ATP10D: variants seen among roughly 807,000 people sequenced by gnomAD.
ATP10D encodes phospholipid-transporting ATPase VD.
Under a neutral mutation model 144.8 loss-of-function variants are expected in ATP10D, and 89 were observed. The ratio of observed to expected loss-of-function variants is 0.61; its 90% CI spans 0.52 to 0.73. The LOEUF is 0.73. Ranked by LOEUF, ATP10D falls within the 30% of genes least tolerant of loss-of-function variation. The probability of loss-of-function intolerance (pLI) is 0.00; values close to 1 mark genes in which losing one functional copy is unlikely to be tolerated. For missense variants in ATP10D, 1,603 were observed against 1,714.8 expected, an observed-to-expected ratio of 0.93 and a Z score of 1.15; for synonymous variants, 571 against 615.1, an observed-to-expected ratio of 0.93 and a Z score of 1.06.
intron 16 of ATP10D, 52 bp downstream of exon 16, chr4:47,569,198 G>A (rs756367891): frequency 3.6e-5 from 56 of 1,558,502 alleles, no homozygotes; most frequent in Non-Finnish European, 4.5e-5. Context: ...CACCACACCA[G>A]ACACCGATCC....
intron 4 of ATP10D, 28 bp downstream of exon 4, chr4:47,523,244 T>G (rs1158313084): frequency 6.3e-7 from 1 of 1,576,718 alleles, no homozygotes; most frequent in Non-Finnish European, 8.7e-7. Flanking sequence ...AGTTAGTGGC[T>G]TATTAACATT....
At chr4:47,528,509 G>GTATATA (rs1382630093) in intron 5 of ATP10D, among the ~76,000 whole-genome samples, 1 of 57,688 alleles carries the variant, frequency 1.7e-5, no homozygotes, top group Non-Finnish European at 3.5e-5. Flanking sequence ...GTGTGTGTGT[G>GTATATA]TGTGTATATA....
intron 21 of ATP10D, among the ~76,000 whole-genome samples, chr4:47,586,560 A>T (rs1468703157): frequency 1.3e-5 from 2 of 152,200 alleles, no homozygotes; most frequent in African/African-American, 4.8e-5. Flanking sequence ...GGGAGTGTGG[A>T]AATGTGATCC....
rs369758520 is a variant in ATP10D, at chr4:47,499,816, C to T, written c.-37-12688C>T. Among the ~76,000 whole-genome samples, 117 of 152,130 alleles carry T rather than the reference C, an allele frequency of 7.7e-4. 3 individuals are homozygous for T. The South Asian group carries it at 0.02, about 25-fold the overall frequency. On this transcript the variant is annotated intron_variant, in intron 1 of 22. Transcript: ENST00000273859. ...AACTTCCTCTTGGAGAGTTTTAGAA[C>T]GATAAAATTTAAATACTTCAGCTGT...
intron 9 of ATP10D, among the ~76,000 whole-genome samples, chr4:47,542,294 G>A (rs1037955842): frequency 6.6e-6 from 1 of 151,812 alleles, no homozygotes; most frequent in Non-Finnish European, 1.5e-5. Context: ...GCAGGATTTC[G>A]CCATGTTTCC....
At chr4:47,519,494 C>G (rs1188253534) in intron 3 of ATP10D, among the ~76,000 whole-genome samples, 1 of 152,216 alleles carries the variant, frequency 6.6e-6, no homozygotes, top group African/African-American at 2.4e-5. Context: ...AGTCCTCTTA[C>G]TAGTTTTAAT....
At position 47,557,987 on chromosome 4, in the gene ATP10D, A is replaced by G; in HGVS notation, c.2148A>G (p.Pro716=). ...AGGCAGAGTCCCTCCCTGGACAGCC[A>G]TTGGCCTGCAACCTGTGTTATGAGG... ...NGKAESLPGQ[P]LACNLCYEAE... Residue 716 remains proline (P), a synonymous_variant, in exon 12 of 23, where the codon CCA becomes CCG. Transcript: ENST00000273859. 1.9e-6 allele frequency: 3 copies of G among 1,614,076 alleles called. No homozygotes were observed. Among genetic ancestry groups the G allele is most frequent in the African/African-American group, 1.3e-5 (1 of 75,056 alleles).
At chr4:47,495,740 T>G (rs1472294533) in intron 1 of ATP10D, among the ~76,000 whole-genome samples, 1 of 150,346 alleles carries the variant, frequency 6.7e-6, no homozygotes, top group East Asian at 1.9e-4. Context: ...TAAGCAACTT[T>G]TTTTTTTTTT....
chr4:47,493,761 C>T (rs1280354562), intron 1 of ATP10D, among the ~76,000 whole-genome samples: 4 of 152,120 alleles, frequency 2.6e-5, no homozygotes, highest in Admixed American at 1.3e-4. Context: ...TGCAGAGCTA[C>T]TGAATCAGAG....
intron 16 of ATP10D, 28 bp downstream of exon 16, chr4:47,569,174 T>C (rs1424077175): frequency 6.3e-7 from 1 of 1,598,332 alleles, no homozygotes; most frequent in Non-Finnish European, 8.5e-7. Flanking sequence ...TGAGTCCTGC[T>C]CTTCTCCCTT....
chr4:47,582,166 TA>T, intron 21 of ATP10D, 102 bp downstream of exon 21: 1 of 941,506 alleles, frequency 1.1e-6, no homozygotes, highest in Non-Finnish European at 1.7e-6. Flanking sequence ...ATGAGAAGAG[TA>T]ATGAATCTAT....
chr4:47,527,118 T>C (rs920575454), intron 5 of ATP10D, among the ~76,000 whole-genome samples: 5 of 152,102 alleles, frequency 3.3e-5, no homozygotes, highest in Admixed American at 1.3e-4. Flanking sequence ...AGGAGATCAA[T>C]GGAAGAGATT....
Position 47,557,680 on chromosome 4 carries a change from TG to T in ATP10D, c.1848del (p.Leu617CysfsTer41), listed in dbSNP as rs764067652. Reference protein sequence around the residue: ...QPRQKIRHPSLGGLPIKSLEE... With the variant: ...QPRQKIRHPSXGGLPIKSLEE... ...CTTTCATAGATCAGACACCCTTCAC[TG>T]GGGGGGTTGCCCATTAAGTCTTTGG... On this transcript the variant is annotated frameshift_variant, in exon 12 of 23. Transcript: ENST00000273859. LOFTEE classifies it high-confidence loss of function. 12 of 1,609,562 alleles carry T rather than the reference TG, an allele frequency of 7.5e-6. No homozygotes were observed. Among genetic ancestry groups the T allele is most frequent in the South Asian group, 1.1e-5 (1 of 90,950 alleles).
intron 1 of ATP10D, 104 bp downstream of exon 1, chr4:47,485,623 T>TC (rs1452053583): frequency 1.3e-5 from 2 of 151,614 alleles, no homozygotes; most frequent in Non-Finnish European, 2.9e-5. Flanking sequence ...CCGCTCCACT[T>TC]CCCTAGTCGT....
Position 47,536,830 on chromosome 4 carries a change from G to C in ATP10D, c.1288G>C (p.Gly430Arg). Reference protein sequence around the residue: ...CRALNIAEDLGQIQYLFSDKT... With the variant: ...CRALNIAEDLRQIQYLFSDKT... ...AGCCCTGAACATCGCCGAGGATCTG[G>C]GACAGATTCAGTACCTCTTTTCCGA... The change falls in exon 9 of 23, where the codon GGA becomes CGA. Residue 430 changes from glycine to arginine, a missense_variant. By Grantham distance (125) the Gly-to-Arg change is moderately radical. Transcript: ENST00000273859. The C allele has an allele frequency of 6.2e-7, 1 of 1,613,238 alleles. No homozygotes were observed. Among genetic ancestry groups the C allele is most frequent in the South Asian group, 1.1e-5 (1 of 91,032 alleles).
chr4:47,538,807 C>T (rs1190871195), intron 9 of ATP10D, among the ~76,000 whole-genome samples: 1 of 152,200 alleles, frequency 6.6e-6, no homozygotes, highest in African/African-American at 2.4e-5. Context: ...AACAGCCTCA[C>T]AACAGCAGAG....
rs1328532564 is a variant in ATP10D at position 47,558,025 on chromosome 4, AC to A, written c.2187del (p.Asp729GlufsTer5). 6.2e-7 allele frequency: 1 copy of A among 1,614,208 alleles called. No homozygotes were observed. The highest frequency in any genetic ancestry group is 8.5e-7 in the Non-Finnish European group (1 of 1,180,020). The stretch of plus-strand genomic sequence containing the variant: ...CTGTGTTATGAGGCCGAGAGCCCAG[AC>A]GAAGCGGCCTTAGTGTATGCCGCCA... ...CNLCYEAESPDEAALVYAARA... is the reference protein window; with the variant it reads ...CNLCYEAESPXEAALVYAARA... On this transcript the variant is annotated frameshift_variant, in exon 12 of 23. Coordinates refer to ENST00000273859, the MANE Select transcript of ATP10D (RefSeq NM_020453.4). LOFTEE classifies it high-confidence loss of function.
intron 20 of ATP10D, 89 bp downstream of exon 20, chr4:47,580,567 C>G (rs1396861073): frequency 3.5e-6 from 4 of 1,135,422 alleles, no homozygotes; most frequent in South Asian, 2.5e-5. Context: ...TAAAGGAGGG[C>G]AGATTGCTCA....
At position 47,512,789 on chromosome 4, in the gene ATP10D, T is replaced by G. The variant is rs1391597015; in HGVS notation, c.249T>G (p.Leu83=). The G allele has an allele frequency of 6.2e-7, 1 of 1,604,410 alleles. No homozygotes were observed. Among genetic ancestry groups the G allele is most frequent in the Non-Finnish European group, 8.5e-7 (1 of 1,172,100 alleles). Residue 83 remains leucine (L), a synonymous_variant, in exon 2 of 23, where the codon CTT becomes CTG. Coordinates refer to ENST00000273859, the MANE Select transcript of ATP10D (RefSeq NM_020453.4). ...GAATACGAACAACAAAGTACACACTTCTGAATTTTGTGCCAAGAAATTTAT... is the reference window on the plus strand; with the variant it reads ...GAATACGAACAACAAAGTACACACTGCTGAATTTTGTGCCAAGAAATTTAT... ...NNRIRTTKYT[L]LNFVPRNLFE...
Sources: allele counts gnomAD v4.1 joint callset (sites outside exome capture counted in the v4.1 genomes callset), GRCh38; gene constraint gnomAD v4.1.1; transcripts MANE v1.5; gene names NCBI Gene and HGNC (gene_info 2026-07-23, HGNC 2026-07-21).